The following SPATA31D1 variants were observed in gnomAD, a reference collection of about 807,000 sequenced individuals.
SPATA31D1 encodes SPATA31 subfamily D member 1.
In SPATA31D1, 6 loss-of-function variants were observed where a neutral mutation model predicts 13.2. The ratio of observed to expected loss-of-function variants is 0.46; its 90% CI spans 0.25 to 0.90. The LOEUF is 0.90. SPATA31D1 is among the 40% of genes least tolerant of loss of function. The pLI is 0.18. For synonymous variants in SPATA31D1, 903 were observed against 718.8 expected (o/e 1.26, Z -4.10); for missense variants, 2,445 against 1,884.7 (o/e 1.30, Z -5.50).
rs190903361 is a variant in SPATA31D1, at chr9:81,992,288, T to G, written c.1818T>G (p.Phe606Leu). The change falls in exon 4 of 4, where the codon TTT becomes TTG. Residue 606 changes from phenylalanine to leucine, a missense_variant. Physicochemically the swap from Phe to Leu is conservative, Grantham distance 22. Coordinates refer to ENST00000344803, the MANE Select transcript of SPATA31D1 (RefSeq NM_001001670.3). ...TGATTAGGATCTGTGGAGTGTGTTT[T>G]CATAGACCCCAGAACGAGGCACGGT... ...LFLIRICGVC[F>L]HRPQNEARSL... 237 of 1,613,788 alleles carry G rather than the reference T, an allele frequency of 1.5e-4. 1 individual carries two copies. The Admixed American group carries it at 2.5e-3, about 17-fold the overall frequency.
At chr9:81,990,592 G>A (rs1824932572) in intron 3 of SPATA31D1, 106 bp downstream of exon 3, 1 of 1,369,060 alleles carries the variant, frequency 7.3e-7, no homozygotes, top group Non-Finnish European at 1.0e-6. Context: ...TTTTGGGAGT[G>A]GGTAGCCATA....
rs1283658201 is a variant in SPATA31D1, at chr9:81,992,687, T to C, written c.2217T>C (p.Gly739=). The C allele has an allele frequency of 6.2e-7, 1 of 1,613,680 alleles. No homozygotes were observed. Among genetic ancestry groups the C allele is most frequent in the Non-Finnish European group, 8.5e-7 (1 of 1,179,730 alleles). Residue 739 remains glycine, a synonymous_variant, in exon 4 of 4, where the codon GGT becomes GGC. Transcript: ENST00000344803. The part of the protein sequence containing the change: ...HGPLNISLVE[G]QRCNVLKKSA... ...CGTTAAATATCTCTTTGGTTGAGGG[T>C]CAGAGGTGCAATGTTCTAAAGAAGT...
At position 81,994,416 on chromosome 9, in the gene SPATA31D1, C is replaced by T. The variant is rs376273665; in HGVS notation, c.3946C>T (p.Arg1316Cys). The T allele has an allele frequency of 4.2e-5, 67 of 1,613,810 alleles. No homozygotes were observed. Among genetic ancestry groups the T allele is most frequent in the Admixed American group, 1.0e-4 (6 of 59,996 alleles). ...GGDAGLGTSQ[R>C]RRKSLPVHNK... ...GGATGCAGGGCTGGGGACATCCCAACGCAGGAGAAAGAGCCTCCCTGTTCA... is the reference window on the plus strand; with the variant it reads ...GGATGCAGGGCTGGGGACATCCCAATGCAGGAGAAAGAGCCTCCCTGTTCA... Residue 1316 changes from arginine (R) to cysteine (C), a missense_variant, in exon 4 of 4, where the codon CGC becomes TGC. By Grantham distance (180) the Arg-to-Cys change is radical. Coordinates refer to ENST00000344803, the MANE Select transcript of SPATA31D1 (RefSeq NM_001001670.3).
Position 81,993,492 on chromosome 9 carries a change from A to C in SPATA31D1, c.3022A>C (p.Thr1008Pro). ...QGTLRRQFSDTDHDLIETDSK... is the reference protein window; with the variant it reads ...QGTLRRQFSDPDHDLIETDSK... ...GACCCTGAGAAGACAATTTTCTGAT[A>C]CTGACCATGACCTTATAGAGACAGA... Residue 1008 changes from threonine to proline, a missense_variant, in exon 4 of 4, where the codon ACT becomes CCT. Thr to Pro is a conservative substitution (Grantham distance 38, BLOSUM62 -1). Transcript: ENST00000344803. The C allele has an allele frequency of 6.2e-7, 1 of 1,613,930 alleles. No individual in the cohort carries two copies. Among genetic ancestry groups the C allele is most frequent in the Non-Finnish European group, 8.5e-7 (1 of 1,179,882 alleles).
Position 81,991,899 on chromosome 9 carries a change from C to T in SPATA31D1, c.1429C>T (p.Leu477=), listed in dbSNP as rs1390027136. 16 of 1,613,734 alleles carry T rather than the reference C, an allele frequency of 9.9e-6. No homozygotes were observed. Among genetic ancestry groups the T allele is most frequent in the Non-Finnish European group, 1.4e-5 (16 of 1,179,724 alleles). The change falls in exon 4 of 4, where the codon CTA becomes TTA. Residue 477 remains leucine (L), a synonymous_variant. Coordinates refer to ENST00000344803, the MANE Select transcript of SPATA31D1 (RefSeq NM_001001670.3). ...TCCTTTTTGGGCCAGTAAAGGCAAA[C>T]TAGAATGGCAGCACATCCATCAGCA... ...SFPFWASKGK[L]EWQHIHQQPP...
chr9:81,995,250 A>G lies in SPATA31D1; in HGVS notation c.*49A>G. ...ATTCTCCCCAATAAATGTTCCAATA[A>G]GAAGGATGTCTTTTCTGTGTATTGT... On this transcript the variant is annotated 3_prime_UTR_variant, in exon 4 of 4. Coordinates refer to ENST00000344803, the MANE Select transcript of SPATA31D1 (RefSeq NM_001001670.3). 6.9e-7 allele frequency: 1 copy of G among 1,445,488 alleles called. No homozygotes were observed. Among genetic ancestry groups the G allele is most frequent in the Non-Finnish European group, 9.1e-7 (1 of 1,093,916 alleles). The allele number at this position is 1,445,488 out of a possible 1,614,324, so 89.5% of individuals were successfully genotyped here.
rs752499155 is a variant in SPATA31D1 at position 81,994,359 on chromosome 9, G to C, written c.3889G>C (p.Val1297Leu). Residue 1297 changes from valine to leucine, a missense_variant, in exon 4 of 4, where the codon GTG becomes CTG. Physicochemically the swap from Val to Leu is conservative, Grantham distance 32. Coordinates refer to ENST00000344803, the MANE Select transcript of SPATA31D1 (RefSeq NM_001001670.3). ...ACCAGCTGTAAACAGAGTGAGTCCT[G>C]TGAGACCCAAAGGAGGAGAGCTTGA... Reference protein sequence around the residue: ...FPPAVNRVSPVRPKGGELDGG... With the variant: ...FPPAVNRVSPLRPKGGELDGG... 6.2e-7 allele frequency: 1 copy of C among 1,613,936 alleles called. No homozygotes were observed. Among genetic ancestry groups the C allele is most frequent in the African/African-American group, 1.3e-5 (1 of 75,036 alleles).
Position 81,992,151 on chromosome 9 carries a change from C to G in SPATA31D1, c.1681C>G (p.Leu561Val), listed in dbSNP as rs772158175. The G allele has an allele frequency of 6.2e-7, 1 of 1,613,784 alleles. No homozygotes were observed. The highest frequency in any genetic ancestry group is 8.5e-7 in the Non-Finnish European group (1 of 1,179,720). Reference sequence around the variant, plus strand: ...TCTGTCCTTGCCTAGTACCCAACCACTACCCTTGCCTCAAACCCTGCCCCA... The same window carrying G: ...TCTGTCCTTGCCTAGTACCCAACCAGTACCCTTGCCTCAAACCCTGCCCCA... The part of the protein sequence containing the change: ...QPLSLPSTQP[L>V]PLPQTLPQGQ... Residue 561 changes from leucine to valine, a missense_variant, in exon 4 of 4, where the codon CTA (leucine) becomes GTA (valine). Coordinates refer to ENST00000344803, the MANE Select transcript of SPATA31D1 (RefSeq NM_001001670.3).
At chr9:81,989,673 ATAT>A in intron 1 of SPATA31D1, 102 bp from the exon 2 acceptor site, 3 of 1,233,402 alleles carry the variant, frequency 2.4e-6, no homozygotes, top group South Asian at 2.7e-5. Flanking sequence ...TTAAAGAGTA[ATAT>A]TCTTGTATAA....
At position 81,991,427 on chromosome 9, in the gene SPATA31D1, C is replaced by T. The variant is rs755688898; in HGVS notation, c.957C>T (p.Thr319=). Residue 319 remains threonine, a synonymous_variant, in exon 4 of 4, where the codon ACC becomes ACT. Coordinates refer to ENST00000344803, the MANE Select transcript of SPATA31D1 (RefSeq NM_001001670.3). ...TGACTCAGTCTAAATCAAGTCTCACCATCTTGAAGACTTTTCCGGAAATGT... is the reference window on the plus strand; with the variant it reads ...TGACTCAGTCTAAATCAAGTCTCACTATCTTGAAGACTTTTCCGGAAATGT... ...CTVTQSKSSL[T]ILKTFPEMLS... is the part of the protein sequence containing the mutation. The T allele has an allele frequency of 4.3e-6, 7 of 1,614,030 alleles. No homozygotes were observed. Among genetic ancestry groups the T allele is most frequent in the Non-Finnish European group, 5.9e-6 (7 of 1,179,890 alleles).
rs372028836 is a variant in SPATA31D1 at position 81,992,967 on chromosome 9, C to A, written c.2497C>A (p.Arg833Ser). ...ACAACTTGAAAATGCCCTGACAGTA[C>A]GTTTGAGCAAGAAATTTGAGGAAAT... ...QKQLENALTV[R>S]LSKKFEEINE... The change falls in exon 4 of 4, where the codon CGT (arginine) becomes AGT (serine). Residue 833 changes from arginine to serine, a missense_variant. Arg to Ser is a moderately radical substitution (Grantham distance 110). Transcript: ENST00000344803. The A allele has an allele frequency of 1.9e-6, 3 of 1,613,728 alleles. No homozygotes were observed. Among genetic ancestry groups the A allele is most frequent in the Non-Finnish European group, 2.5e-6 (3 of 1,179,714 alleles).
Position 81,994,020 on chromosome 9 carries a change from A to G in SPATA31D1, c.3550A>G (p.Ile1184Val). 1.9e-6 allele frequency: 3 copies of G among 1,613,738 alleles called. No individual in the cohort carries two copies. Among genetic ancestry groups the G allele is most frequent in the Non-Finnish European group, 2.5e-6 (3 of 1,179,740 alleles). The change falls in exon 4 of 4, where the codon ATT (isoleucine) becomes GTT (valine). Residue 1184 changes from isoleucine (I) to valine (V), a missense_variant. Ile to Val is a conservative substitution (Grantham distance 29). Transcript: ENST00000344803. ...AGCAAGCACTTCCAATGAAACTGAAATTTTCCCACCAAGAATATCAGTTCC... is the reference window on the plus strand; with the variant it reads ...AGCAAGCACTTCCAATGAAACTGAAGTTTTCCCACCAAGAATATCAGTTCC... ...VKASTSNETE[I>V]FPPRISVPQD...
In SPATA31D1 at chr9:81,993,733, C is replaced by A. The variant is rs766697377; in HGVS notation, c.3263C>A (p.Thr1088Asn). ...SVRTTEDGRQ[T>N]FLPPPHSIVD... ...CGGACAACAGAGGATGGCAGACAGA[C>A]TTTTCTGCCCCCGCCACACAGCATC... The change falls in exon 4 of 4, where the codon ACT becomes AAT. Residue 1088 changes from threonine to asparagine, a missense_variant. Thr to Asn is a moderately conservative substitution (Grantham distance 65). Transcript: ENST00000344803. 5.6e-6 allele frequency: 9 copies of A among 1,614,014 alleles called. No homozygotes were observed. The highest frequency in any genetic ancestry group is 7.6e-6 in the Non-Finnish European group (9 of 1,179,892).
At chr9:81,988,665 G>C, upstream of SPATA31D1, 1 of 1,248,448 alleles carries the variant, frequency 8.0e-7, no homozygotes, top group East Asian at 2.5e-5. Flanking sequence ...GGCTGGTGGG[G>C]TTGGGGCTGT....
Position 81,992,761 on chromosome 9 carries a change from T to C in SPATA31D1, c.2291T>C (p.Leu764Pro). 6.2e-7 allele frequency: 1 copy of C among 1,613,798 alleles called. No individual in the cohort carries two copies. Among genetic ancestry groups the C allele is most frequent in the Non-Finnish European group, 8.5e-7 (1 of 1,179,728 alleles). The change falls in exon 4 of 4, where the codon CTT (leucine) becomes CCT (proline). Residue 764 changes from leucine (L) to proline (P), a missense_variant. Leu to Pro is a moderately conservative substitution (Grantham distance 98, BLOSUM62 -3). Transcript: ENST00000344803. ...TTCCACGAGAGGAGCTCAAATATGC[T>C]TTCCATGGAGAATGTGGGGAATTAT... Reference protein sequence around the residue: ...RSFHERSSNMLSMENVGNYQG... With the variant: ...RSFHERSSNMPSMENVGNYQG...
In SPATA31D1 at chr9:81,991,504, G is replaced by C; in HGVS notation, c.1034G>C (p.Gly345Ala). The change falls in exon 4 of 4, where the codon GGC becomes GCC. Residue 345 changes from glycine to alanine, a missense_variant. Gly to Ala is a moderately conservative substitution (Grantham distance 60). Coordinates refer to ENST00000344803, the MANE Select transcript of SPATA31D1 (RefSeq NM_001001670.3). The part of the protein sequence containing the change: ...GSSTSAPTIK[G>A]IDHSHLASSE... ...TCCACCTCTGCCCCAACAATCAAAGGCATTGACCATTCACACCTTGCATCT... is the reference window on the plus strand; with the variant it reads ...TCCACCTCTGCCCCAACAATCAAAGCCATTGACCATTCACACCTTGCATCT... 1 of 1,613,976 alleles carries C rather than the reference G, an allele frequency of 6.2e-7. No homozygotes were observed. The highest frequency in any genetic ancestry group is 8.5e-7 in the Non-Finnish European group (1 of 1,179,886).
At position 81,989,075 on chromosome 9, in the gene SPATA31D1, T is replaced by C; in HGVS notation, c.186+71T>C. 3.8e-6 allele frequency: 6 copies of C among 1,569,082 alleles called. No individual in the cohort carries two copies. In the South Asian group the frequency reaches 7.2e-5, roughly 19 times the overall value. The stretch of plus-strand genomic sequence containing the variant: ...TTTCCCAATCCTATTCCAACATTTC[T>C]AAATAAGTTTGGTTGGTACAGAGAC... On this transcript the variant is annotated intron_variant, in intron 1 of 3. Coordinates refer to ENST00000344803, the MANE Select transcript of SPATA31D1 (RefSeq NM_001001670.3).
Position 81,995,084 on chromosome 9 carries a change from G to A in SPATA31D1, c.4614G>A (p.Val1538=). 1 of 1,611,930 alleles carries A rather than the reference G, an allele frequency of 6.2e-7. No individual in the cohort carries two copies. Among genetic ancestry groups the A allele is most frequent in the Middle Eastern group, 1.7e-4 (1 of 6,060 alleles). Reference sequence around the variant, plus strand: ...CTTGCCGGCGTCAGGTCAGCCTGGTGTGTCCAGCCGTCCCAACCAGTGCTA... The same window carrying A: ...CTTGCCGGCGTCAGGTCAGCCTGGTATGTCCAGCCGTCCCAACCAGTGCTA... ...NPTCRRQVSL[V]CPAVPTSAKS... is the part of the protein sequence containing the mutation. The change falls in exon 4 of 4, where the codon GTG becomes GTA. Residue 1538 remains valine (V), a synonymous_variant. Transcript: ENST00000344803.
Position 81,991,011 on chromosome 9 carries a change from C to T in SPATA31D1, c.541C>T (p.Pro181Ser). 6.2e-7 allele frequency: 1 copy of T among 1,613,774 alleles called. No individual in the cohort carries two copies. The highest frequency in any genetic ancestry group is 8.5e-7 in the Non-Finnish European group (1 of 1,179,730). ...GGCTTCCACCCCCTCAGCAACCCCTCCAGAAGACCTAATACTGTCCCCTCG... is the reference window on the plus strand; with the variant it reads ...GGCTTCCACCCCCTCAGCAACCCCTTCAGAAGACCTAATACTGTCCCCTCG... ...TLASTPSATP[P>S]EDLILSPRPK... Residue 181 changes from proline to serine, a missense_variant, in exon 4 of 4, where the codon CCA becomes TCA. Physicochemically the swap from Pro to Ser is moderately conservative, Grantham distance 74. Coordinates refer to ENST00000344803, the MANE Select transcript of SPATA31D1 (RefSeq NM_001001670.3).
Sources: allele counts gnomAD v4.1 joint callset, GRCh38; gene constraint gnomAD v4.1.1; transcripts MANE v1.5; gene names NCBI Gene and HGNC (gene_info 2026-07-23, HGNC 2026-07-21).